Variants in VWA8 observed in about 807,000 individuals in gnomAD.
VWA8 encodes the protein von Willebrand factor A domain-containing protein 8.
VWA8 carries 221 observed loss-of-function variants against 241.5 expected under a neutral mutation model. That is an observed-to-expected ratio of 0.91 (90% CI 0.82 to 1.02). The LOEUF (loss-of-function observed/expected upper bound fraction) is 1.02, where lower values mean the gene tolerates loss of function less well. Among genes scored for constraint, VWA8 ranks in the 50% least tolerant of loss-of-function variants. The pLI is 0.00. For missense variants in VWA8, 2,322 were observed against 2,328.7 expected (o/e 1.00, Z 0.06); for synonymous variants, 852 against 827.1 (o/e 1.03, Z -0.52).
intron 21 of VWA8, among the ~76,000 whole-genome samples, chr13:41,746,290 C>T (rs1204927460): frequency 4.6e-5 from 7 of 152,150 alleles, no homozygotes; most frequent in African/African-American, 1.7e-4. Context: ...GTAGAAAATA[C>T]ACACTGCATC....
rs61733775 is a variant in VWA8, at chr13:41,692,935, G to A, written c.3602C>T (p.Ala1201Val). ...GGAAGGGAGGATGAGACGATGAAGG[G>A]CCCGGCCAGTAGTATCTAACAACAG... ...VILLLDTTGR[A>V]LHRLILPSEK... Residue 1201 changes from alanine (A) to valine (V), a missense_variant, in exon 30 of 45, where the codon GCC becomes GTC. Ala to Val is a moderately conservative substitution (Grantham distance 64). Coordinates refer to ENST00000379310, the MANE Select transcript of VWA8 (RefSeq NM_015058.2). 6.4e-4 allele frequency: 1,025 copies of A among 1,611,100 alleles called. 5 individuals carry two copies. The African/African-American group carries it at 0.011, about 18-fold the overall frequency.
chr13:41,942,284 G>T (rs1374892200), intron 2 of VWA8, among the ~76,000 whole-genome samples: 1 of 152,134 alleles, frequency 6.6e-6, no homozygotes, highest in Non-Finnish European at 1.5e-5. Flanking sequence ...AGGATGAAAT[G>T]AGTTGCAAGA....
At chr13:41,835,367 A>C (rs1252933424) in intron 12 of VWA8, among the ~76,000 whole-genome samples, 1 of 152,230 alleles carries the variant, frequency 6.6e-6, no homozygotes, top group Non-Finnish European at 1.5e-5. Context: ...TAAACTTAAA[A>C]GGCTGGTTTT....
At chr13:41,848,818 G>C (rs907186499) in intron 12 of VWA8, among the ~76,000 whole-genome samples, 2 of 152,112 alleles carry the variant, frequency 1.3e-5, no homozygotes, top group African/African-American at 4.8e-5. Flanking sequence ...TCTCCTGCAG[G>C]GGCTCCCTGT....
At chr13:41,725,676 G>A (rs1176165780) in intron 24 of VWA8, among the ~76,000 whole-genome samples, 1 of 152,064 alleles carries the variant, frequency 6.6e-6, no homozygotes, top group Non-Finnish European at 1.5e-5. Context: ...ATTTGGAGGT[G>A]GATGGAAGAT....
At position 41,674,726 on chromosome 13, in the gene VWA8, G is replaced by A. The variant is rs149202665; in HGVS notation, c.4409+489C>T. Among the ~76,000 whole-genome samples, 396 of 152,146 alleles carry A rather than the reference G, an allele frequency of 2.6e-3. 2 individuals are homozygous for A. The highest frequency in any genetic ancestry group is 0.015 in the South Asian group (71 of 4,802). On this transcript the variant is annotated intron_variant, in intron 36 of 44. Coordinates refer to ENST00000379310, the MANE Select transcript of VWA8 (RefSeq NM_015058.2). Reference sequence around the variant, plus strand: ...ATAGTGGGACAATAATGAAGGAGGTGAACAGTAATAAGTCCTATTCTAAAG... The same window carrying A: ...ATAGTGGGACAATAATGAAGGAGGTAAACAGTAATAAGTCCTATTCTAAAG...
intron 37 of VWA8, among the ~76,000 whole-genome samples, chr13:41,628,637 A>G (rs982858912): frequency 6.6e-6 from 1 of 152,222 alleles, no homozygotes; most frequent in African/African-American, 2.4e-5. Context: ...AGCAACATGA[A>G]TGCAGCTAGA....
At chr13:41,900,606 G>A (rs2097462057) in intron 4 of VWA8, among the ~76,000 whole-genome samples, 1 of 152,128 alleles carries the variant, frequency 6.6e-6, no homozygotes, top group African/African-American at 2.4e-5. Context: ...AATTAATCTG[G>A]ATGTCTTTGT....
intron 42 of VWA8, among the ~76,000 whole-genome samples, chr13:41,577,592 CGACTGATTT>C (rs2044358142): frequency 6.6e-6 from 1 of 152,096 alleles, no homozygotes; most frequent in South Asian, 2.1e-4. Flanking sequence ...AGGGAGGCCC[CGACTGATTT>C]GACAACGGTC....
chr13:41,825,971 G>C (rs1250807586), intron 14 of VWA8, among the ~76,000 whole-genome samples: 1 of 152,180 alleles, frequency 6.6e-6, no homozygotes, highest in Non-Finnish European at 1.5e-5. Flanking sequence ...ACACTGTGCT[G>C]TGTCTTTTTA....
At chr13:41,819,933 T>A (rs945881930) in intron 14 of VWA8, among the ~76,000 whole-genome samples, 2 of 152,170 alleles carry the variant, frequency 1.3e-5, no homozygotes, top group Admixed American at 1.3e-4. Context: ...GCAGAGAAAA[T>A]AAAACCTTTA....
At chr13:41,948,138 C>G (rs1014726248) in intron 2 of VWA8, among the ~76,000 whole-genome samples, 2 of 151,936 alleles carry the variant, frequency 1.3e-5, no homozygotes, top group Non-Finnish European at 2.9e-5. Flanking sequence ...AAATGTCCAT[C>G]AACTGATGAA....
intron 37 of VWA8, among the ~76,000 whole-genome samples, chr13:41,634,998 TG>T (rs567989760): frequency 2.8e-4 from 43 of 151,890 alleles, no homozygotes; most frequent in African/African-American, 1.0e-3. Context: ...TGGCACTAAC[TG>T]GTGAAGTAGT....
chr13:41,784,737 CATATAT>C lies in VWA8; in HGVS notation c.2171-842_2171-837del, dbSNP rs772223346. Among the ~76,000 whole-genome samples the C allele has an allele frequency of 1.6e-3, 114 of 72,572 alleles. 3 individuals carry two copies. Among genetic ancestry groups the C allele is most frequent in the Middle Eastern group, 0.014 (2 of 140 alleles). 47.6% of individuals were successfully genotyped at this position (72,572 alleles called of 152,430 possible). A position where few individuals can be genotyped will look rare whatever the true frequency, so the allele number is the denominator to read the frequency against. Reference sequence around the variant, plus strand: ...ATATATATATATATATATACACACACATATATATATATATATATATATATACACACA... The same window carrying C: ...ATATATATATATATATATACACACACATATATATATATATATATACACACA... On this transcript the variant is annotated intron_variant, in intron 18 of 44. Coordinates refer to ENST00000379310, the MANE Select transcript of VWA8 (RefSeq NM_015058.2).
intron 37 of VWA8, among the ~76,000 whole-genome samples, chr13:41,660,773 G>C (rs971627128): frequency 1.3e-5 from 2 of 152,022 alleles, no homozygotes; most frequent in African/African-American, 4.8e-5. Context: ...TTGCTCACTT[G>C]AACAACATAG....
At chr13:41,823,215 G>A (rs10507499) in intron 14 of VWA8, among the ~76,000 whole-genome samples, 23,363 of 151,966 alleles carry the variant, frequency 0.15, 1,898 homozygotes, top group Non-Finnish European at 0.19. Context: ...CTTCAAATAC[G>A]GGTAAGAGTT....
intron 9 of VWA8, among the ~76,000 whole-genome samples, chr13:41,881,739 C>A (rs1874212839): frequency 6.9e-6 from 1 of 145,392 alleles, no homozygotes; most frequent in Non-Finnish European, 1.5e-5. Context: ...CTGACCCCCC[C>A]ACCTCCCTCC....
chr13:41,724,577 C>T (rs1409400074), intron 24 of VWA8, among the ~76,000 whole-genome samples: 2 of 152,154 alleles, frequency 1.3e-5, no homozygotes, highest in Non-Finnish European at 2.9e-5. Context: ...GAAAGCAGGG[C>T]ATCATAGGTG....
intron 14 of VWA8, 119 bp downstream of exon 14, chr13:41,830,410 C>T: frequency 2.4e-6 from 2 of 846,174 alleles, no homozygotes. Context: ...ATCCAGGACA[C>T]CAAATTATTA....
Sources: gnomAD v4.1 joint callset for allele counts (sites outside exome capture counted in the v4.1 genomes callset) on GRCh38, gnomAD v4.1.1 for gene constraint, MANE v1.5 for transcripts, NCBI Gene and HGNC (gene_info 2026-07-23, HGNC 2026-07-21) for gene names.